Variants in HECW1 observed in about 807,000 individuals in gnomAD.
HECW1 encodes HECT, C2 and WW domain containing E3 ubiquitin protein ligase 1.
In HECW1, 61 loss-of-function variants were observed where a neutral mutation model predicts 182.3. The ratio of observed to expected loss-of-function variants is 0.33; its 90% CI spans 0.27 to 0.41. The LOEUF (loss-of-function observed/expected upper bound fraction) is 0.41, where lower values mean the gene tolerates loss of function less well. Ranked by LOEUF, HECW1 falls within the 10% of genes least tolerant of loss-of-function variation. The probability of loss-of-function intolerance (pLI) is 1.00; values close to 1 mark genes in which losing one functional copy is unlikely to be tolerated. For missense variants in HECW1, 1,739 were observed against 2,108.9 expected (o/e 0.82, Z 3.44); for synonymous variants, 859 against 832.6 (o/e 1.03, Z -0.55).
chr7:43,167,492 T>TG (rs1562622687), intron 2 of HECW1, among the ~76,000 whole-genome samples: 1 of 152,082 alleles, frequency 6.6e-6, no homozygotes, highest in African/African-American at 2.4e-5. Context: ...CAACTCCAGA[T>TG]GGAGGGAGGT....
chr7:43,203,235 A>G (rs1158976417), intron 2 of HECW1, among the ~76,000 whole-genome samples: 1 of 152,128 alleles, frequency 6.6e-6, no homozygotes, highest in African/African-American at 2.4e-5. Flanking sequence ...CTTTATCATC[A>G]TCAGTTGTGA....
chr7:43,395,751 T>G (rs1253125144), intron 6 of HECW1, among the ~76,000 whole-genome samples: 2 of 152,192 alleles, frequency 1.3e-5, no homozygotes, highest in African/African-American at 4.8e-5. Flanking sequence ...TGTGAAAAGA[T>G]GAATAATAAT....
intron 2 of HECW1, among the ~76,000 whole-genome samples, chr7:43,242,729 A>G (rs1798999144): frequency 6.6e-6 from 1 of 152,098 alleles, no homozygotes; most frequent in Non-Finnish European, 1.5e-5. Flanking sequence ...ACCTTCTCCA[A>G]GGAGGAAGGC....
intron 3 of HECW1, chr7:43,274,598 C>T (rs956058846): frequency 2.4e-6 from 1 of 424,210 alleles, no homozygotes; most frequent in African/African-American, 2.1e-5. Context: ...GGTTCCTCGC[C>T]CCGGGTGTGC....
At chr7:43,435,040 T>G (rs1356748455) in intron 8 of HECW1, among the ~76,000 whole-genome samples, 1 of 152,014 alleles carries the variant, frequency 6.6e-6, no homozygotes, top group Non-Finnish European at 1.5e-5. Context: ...ATATAATTCA[T>G]ATTATTGTGA....
chr7:43,217,679 G>A (rs561451927), intron 2 of HECW1, among the ~76,000 whole-genome samples: 62 of 152,158 alleles, frequency 4.1e-4, no homozygotes, highest in Middle Eastern at 3.4e-3. Context: ...AAATGATGAG[G>A]GGCTTAGGCA....
At position 43,444,906 on chromosome 7, in the gene HECW1, G is replaced by A; in HGVS notation, c.1734G>A (p.Ala578=). The A allele has an allele frequency of 1.9e-6, 3 of 1,601,918 alleles. No homozygotes were observed. Among genetic ancestry groups the A allele is most frequent in the Non-Finnish European group, 2.6e-6 (3 of 1,172,990 alleles). ...TGCCCTCCGCCCAGGGCGGCAGCGC[G>A]GCAGAGGAGGAGGACGGCGCGGAGG... ...HSMPSAQGGS[A]AEEEDGAEEE... Residue 578 remains alanine (A), a synonymous_variant, in exon 11 of 30, where the codon GCG becomes GCA. Transcript: ENST00000395891. The surrounding 1 kb of genome is among the most constrained non-coding windows in gnomAD (Gnocchi z 4.3).
intron 6 of HECW1, among the ~76,000 whole-genome samples, chr7:43,381,367 G>T (rs1258819181): frequency 6.6e-6 from 1 of 152,120 alleles, no homozygotes; most frequent in African/African-American, 2.4e-5. Context: ...TGTTACCAAA[G>T]CTGGAGGGCA....
At chr7:43,361,657 C>T (rs1310536101) in intron 6 of HECW1, among the ~76,000 whole-genome samples, 1 of 152,114 alleles carries the variant, frequency 6.6e-6, no homozygotes, top group Non-Finnish European at 1.5e-5. Flanking sequence ...CTTTGTAGTG[C>T]TTCTCACTTA....
chr7:43,544,368 C>G (rs916789545), intron 26 of HECW1, among the ~76,000 whole-genome samples: 8 of 152,158 alleles, frequency 5.3e-5, no homozygotes, highest in Non-Finnish European at 1.0e-4. Context: ...AAAGGAAAGA[C>G]AAGGAGATAA....
At position 43,492,142 on chromosome 7, in the gene HECW1, C is replaced by T; in HGVS notation, c.3302C>T (p.Ala1101Val). Reference protein sequence around the residue: ...LARPGHSLVAAIRSQHQHESL... With the variant: ...LARPGHSLVAVIRSQHQHESL... The stretch of plus-strand genomic sequence containing the variant: ...AGGCCAGGACACAGCTTAGTAGCTG[C>T]TATTCGAAGCCAACATCAACATGAG... Residue 1101 changes from alanine to valine, a missense_variant, in exon 18 of 30, where the codon GCT (alanine) becomes GTT (valine). Coordinates refer to ENST00000395891, the MANE Select transcript of HECW1 (RefSeq NM_015052.5). 1 of 1,602,268 alleles carries T rather than the reference C, an allele frequency of 6.2e-7. No homozygotes were observed. The highest frequency in any genetic ancestry group is 2.2e-5 in the East Asian group (1 of 44,646).
At chr7:43,204,540 T>TG (rs940071739) in intron 2 of HECW1, among the ~76,000 whole-genome samples, 1 of 152,200 alleles carries the variant, frequency 6.6e-6, no homozygotes, top group African/African-American at 2.4e-5. Flanking sequence ...AAGACAGGCA[T>TG]GGCCATGCCC....
chr7:43,446,154 T>TTTGTTGTTGTTGTTG (rs57196739), intron 11 of HECW1, among the ~76,000 whole-genome samples: 2 of 151,714 alleles, frequency 1.3e-5, no homozygotes, highest in East Asian at 3.9e-4. Flanking sequence ...TTGGTTTTGT[T>TTTGTTGTTGTTGTTG]TTGTTGTTGT....
chr7:43,210,676 G>A (rs1177721498), intron 2 of HECW1, among the ~76,000 whole-genome samples: 1 of 152,110 alleles, frequency 6.6e-6, no homozygotes, highest in East Asian at 1.9e-4. Flanking sequence ...GGAACCCAGT[G>A]ACTAGTGTTC....
chr7:43,273,203 A>T (rs1802634946), intron 3 of HECW1, among the ~76,000 whole-genome samples: 1 of 152,180 alleles, frequency 6.6e-6, no homozygotes, highest in Non-Finnish European at 1.5e-5. Flanking sequence ...AAGGGTTGAA[A>T]AACTAATTGC....
intron 3 of HECW1, among the ~76,000 whole-genome samples, chr7:43,267,277 G>A (rs1801905504): frequency 6.6e-6 from 1 of 152,048 alleles, no homozygotes; most frequent in South Asian, 2.1e-4. Flanking sequence ...AATTATTGAA[G>A]GCACATTTTC....
intron 13 of HECW1, among the ~76,000 whole-genome samples, chr7:43,462,028 T>TA (rs1031717005): frequency 8.5e-5 from 13 of 152,066 alleles, no homozygotes; most frequent in Non-Finnish European, 1.9e-4. Context: ...GAGACTACAG[T>TA]AAAAAAAGCT....
intron 19 of HECW1, among the ~76,000 whole-genome samples, chr7:43,500,404 C>G (rs1410200812): frequency 6.6e-6 from 1 of 152,070 alleles, no homozygotes; most frequent in African/African-American, 2.4e-5. Context: ...CGCCCCAGAA[C>G]AGTCTTTCAG....
chr7:43,416,749 C>G (rs879804093), intron 8 of HECW1, among the ~76,000 whole-genome samples: 3 of 144,826 alleles, frequency 2.1e-5, no homozygotes, highest in East Asian at 4.1e-4. Flanking sequence ...TTTTTTAAGC[C>G]GGTCTGAAAA....
Sources: gnomAD v4.1 joint callset for allele counts (sites outside exome capture counted in the v4.1 genomes callset) on GRCh38, gnomAD v4.1.1 for gene constraint, Gnocchi (gnomAD v3.1) non-coding constraint, MANE v1.5 for transcripts, NCBI Gene and HGNC (gene_info 2026-07-23, HGNC 2026-07-21) for gene names.